ZFPM2: variants seen among roughly 807,000 people sequenced by gnomAD.
The protein encoded by ZFPM2 is zinc finger protein ZFPM2.
In ZFPM2, 20 loss-of-function variants were observed where a neutral mutation model predicts 98.6. The observed-to-expected ratio is 0.20, with a 90% CI of 0.14 to 0.29. The LOEUF is 0.29. Among genes scored for constraint, ZFPM2 ranks in the 10% least tolerant of loss-of-function variants. The pLI, the probability that ZFPM2 is intolerant of heterozygous loss-of-function variation, is 1.00. For synonymous variants in ZFPM2, 518 were observed against 502.7 expected (o/e 1.03, Z -0.41); for missense variants, 1,310 against 1,388.6 (o/e 0.94, Z 0.90).
At chr8:105,704,667 A>T (rs1465968784) in intron 5 of ZFPM2, among the ~76,000 whole-genome samples, 1 of 152,168 alleles carries the variant, frequency 6.6e-6, no homozygotes, top group Non-Finnish European at 1.5e-5. Flanking sequence ...TTCCAATGAC[A>T]TATTTACCTC....
chr8:105,319,989 A>G (rs902308830), intron 1 of ZFPM2, among the ~76,000 whole-genome samples: 2 of 152,098 alleles, frequency 1.3e-5, no homozygotes, highest in African/African-American at 4.8e-5. Context: ...AAAAAACCTT[A>G]TTAGTTTATT....
chr8:105,392,915 A>G (rs937444695), intron 1 of ZFPM2, among the ~76,000 whole-genome samples: 17 of 152,136 alleles, frequency 1.1e-4, no homozygotes, highest in African/African-American at 3.9e-4. Flanking sequence ...ACTTAAATCC[A>G]AGTTCTATTT....
At chr8:105,738,779 C>CT (rs1049950979) in intron 5 of ZFPM2, among the ~76,000 whole-genome samples, 4 of 150,830 alleles carry the variant, frequency 2.7e-5, no homozygotes, top group East Asian at 2.0e-4. Context: ...TGATGTCAAG[C>CT]TTTTTTTTTC....
intron 3 of ZFPM2, among the ~76,000 whole-genome samples, chr8:105,554,679 A>C (rs1469123056): frequency 6.6e-6 from 1 of 152,200 alleles, no homozygotes; most frequent in Non-Finnish European, 1.5e-5. Context: ...AGCAAATGCA[A>C]TATGATCTTC....
intron 3 of ZFPM2, among the ~76,000 whole-genome samples, chr8:105,501,505 TTTTTC>T (rs1813595592): frequency 6.6e-6 from 1 of 150,990 alleles, no homozygotes; most frequent in African/African-American, 2.4e-5. Flanking sequence ...TTCTTTTTTT[TTTTTC>T]TTTTCTTTTT....
At chr8:105,661,516 C>T (rs761311892) in intron 5 of ZFPM2, among the ~76,000 whole-genome samples, 3 of 151,980 alleles carry the variant, frequency 2.0e-5, no homozygotes, top group South Asian at 2.1e-4. Flanking sequence ...ATTTACCTGC[C>T]GAAAATAAGG....
intron 1 of ZFPM2, chr8:105,358,774 G>T (rs1483928949): frequency 6.6e-6 from 1 of 152,200 alleles, no homozygotes; most frequent in Non-Finnish European, 1.5e-5. Context: ...GGCCAACATG[G>T]TGAAACCCCA....
chr8:105,791,496 A>G (rs1813610447), intron 6 of ZFPM2, among the ~76,000 whole-genome samples: 1 of 151,706 alleles, frequency 6.6e-6, no homozygotes, highest in Admixed American at 6.6e-5. Flanking sequence ...GTTTGCCAGT[A>G]TTTTATTGAG....
At chr8:105,442,222 T>TA (rs1028546941) in intron 2 of ZFPM2, among the ~76,000 whole-genome samples, 5 of 150,770 alleles carry the variant, frequency 3.3e-5, no homozygotes, top group African/African-American at 9.8e-5. Context: ...CAGGCGCCTG[T>TA]AGTCCCAGCT....
At chr8:105,504,406 G>C (rs183695627) in intron 3 of ZFPM2, among the ~76,000 whole-genome samples, 2 of 152,262 alleles carry the variant, frequency 1.3e-5, no homozygotes, top group Admixed American at 6.5e-5. Context: ...GAACTTCCTA[G>C]TGATGTGTCA....
In ZFPM2 at chr8:105,331,168, T is replaced by TACAC. The variant is rs113815707; in HGVS notation, c.40+12205_40+12208dup. On this transcript the variant is annotated intron_variant, in intron 1 of 7. Coordinates refer to ENST00000407775, the MANE Select transcript of ZFPM2 (RefSeq NM_012082.4). ...TATTATATTTTATATATATATATTA[T>TACAC]ACACACACACACACACACACATATA... Among the ~76,000 whole-genome samples, 1,118 of 146,686 alleles carry TACAC rather than the reference T, an allele frequency of 7.6e-3. 10 individuals carry two copies. The highest frequency in any genetic ancestry group is 0.02 in the African/African-American group (814 of 40,378).
intron 5 of ZFPM2, among the ~76,000 whole-genome samples, chr8:105,762,502 A>C (rs1812754157): frequency 6.6e-6 from 1 of 151,890 alleles, no homozygotes; most frequent in South Asian, 2.1e-4. Flanking sequence ...TATCATGTTA[A>C]GCTGGCATAA....
intron 3 of ZFPM2, among the ~76,000 whole-genome samples, chr8:105,554,445 C>T (rs374776120): frequency 1.3e-5 from 2 of 152,118 alleles, no homozygotes; most frequent in African/African-American, 4.8e-5. Flanking sequence ...TTTTTAGAAT[C>T]TTTGAGTGCT....
chr8:105,569,087 A>G (rs950624128), intron 4 of ZFPM2, among the ~76,000 whole-genome samples: 2 of 152,148 alleles, frequency 1.3e-5, no homozygotes, highest in African/African-American at 2.4e-5. Context: ...CCTGTCTGGA[A>G]TAGATAACCA....
chr8:105,527,894 A>C (rs1814210666), intron 3 of ZFPM2, among the ~76,000 whole-genome samples: 1 of 152,188 alleles, frequency 6.6e-6, no homozygotes, highest in Non-Finnish European at 1.5e-5. Flanking sequence ...AAGGATCTTA[A>C]AAATCAGCTA....
At chr8:105,533,253 C>T (rs558682902) in intron 3 of ZFPM2, among the ~76,000 whole-genome samples, 3 of 152,126 alleles carry the variant, frequency 2.0e-5, no homozygotes, top group Non-Finnish European at 4.4e-5. Context: ...TTCAAATGGA[C>T]TGGCCATAAA....
chr8:105,320,646 ATAAT>A (rs1812007724), intron 1 of ZFPM2, among the ~76,000 whole-genome samples: 3 of 152,304 alleles, frequency 2.0e-5, no homozygotes, highest in South Asian at 4.1e-4. Context: ...TTGTTAATAA[ATAAT>A]TAATATTAAT....
chr8:105,318,806 AGCACCT>A lies in ZFPM2; in HGVS notation c.-134_-129del. On this transcript the variant is annotated 5_prime_UTR_variant, in exon 1 of 8. Coordinates refer to ENST00000407775, the MANE Select transcript of ZFPM2 (RefSeq NM_012082.4). The stretch of plus-strand genomic sequence containing the variant: ...GCTCCCGGAGGAGCCCAGCGCCCGG[AGCACCT>A]GGAGTCCGGCCGGCGGCGGGCCGAG... The A allele has an allele frequency of 3.3e-6, 1 of 300,790 alleles. No homozygotes were observed. Among genetic ancestry groups the A allele is most frequent in the Non-Finnish European group, 4.9e-6 (1 of 206,090 alleles). The allele number at this position is 300,790 out of a possible 1,614,324, so 18.6% of individuals were successfully genotyped here.
chr8:105,628,129 T>G (rs1373889416), intron 4 of ZFPM2, among the ~76,000 whole-genome samples: 3 of 152,190 alleles, frequency 2.0e-5, no homozygotes, highest in Non-Finnish European at 4.4e-5. Context: ...GAAATAAAAA[T>G]TAGCCCCACC....
Sources: allele counts gnomAD v4.1 joint callset (sites outside exome capture counted in the v4.1 genomes callset), GRCh38; gene constraint gnomAD v4.1.1; transcripts MANE v1.5; gene names NCBI Gene and HGNC (gene_info 2026-07-23, HGNC 2026-07-21).